Variants in WDR27 observed in about 807,000 individuals in gnomAD.
WDR27 encodes WD repeat-containing protein 27.
WDR27 carries 100 observed loss-of-function variants against 114.4 expected under a neutral mutation model. That is an observed-to-expected ratio of 0.87 (90% CI 0.74 to 1.03). The LOEUF is 1.03. Among genes scored for constraint, WDR27 ranks in the 50% least tolerant of loss-of-function variants. The pLI, the probability that WDR27 is intolerant of heterozygous loss-of-function variation, is 0.00. For missense variants in WDR27, 1,129 were observed against 1,092.9 expected, an observed-to-expected ratio of 1.03 and a Z score of -0.47; for synonymous variants, 449 against 423.1, an observed-to-expected ratio of 1.06 and a Z score of -0.75.
chr6:169,586,734 A>G (rs1238082884), intron 23 of WDR27, among the ~76,000 whole-genome samples: 1 of 150,628 alleles, frequency 6.6e-6, no homozygotes, highest in African/African-American at 2.4e-5. Context: ...CTGTAATCAC[A>G]GCTACTCAGG....
At chr6:169,580,922 C>G (rs1051994308) in intron 24 of WDR27, among the ~76,000 whole-genome samples, 1 of 129,106 alleles carries the variant, frequency 7.7e-6, no homozygotes, top group East Asian at 2.4e-4. Context: ...AAATAAGGAA[C>G]TTAGTGAATT....
At chr6:169,701,217 T>A (rs184171753) in intron 1 of WDR27, among the ~76,000 whole-genome samples, 3 of 152,338 alleles carry the variant, frequency 2.0e-5, no homozygotes, top group African/African-American at 4.8e-5. Context: ...TCCGTTTTTT[T>A]AATGTACATA....
chr6:169,446,589 A>C, the WDR27 span, among the ~76,000 whole-genome samples: 1 of 152,218 alleles, frequency 6.6e-6, no homozygotes, highest in Non-Finnish European at 1.5e-5. Flanking sequence ...ATGTTATGTA[A>C]TCGTGAAAGA....
At chr6:169,616,018 C>A (rs2128189818) in intron 21 of WDR27, among the ~76,000 whole-genome samples, 1 of 147,086 alleles carries the variant, frequency 6.8e-6, no homozygotes, top group Admixed American at 6.8e-5. Context: ...TCTGAGGAGG[C>A]AAGATTATAT....
chr6:169,661,647 A>C (rs917258204), intron 9 of WDR27, among the ~76,000 whole-genome samples: 3 of 152,130 alleles, frequency 2.0e-5, no homozygotes, highest in African/African-American at 7.2e-5. Flanking sequence ...AAAATGCCTC[A>C]GGTCCATGCA....
intron 25 of WDR27, among the ~76,000 whole-genome samples, chr6:169,537,477 T>TA (rs1470937545): frequency 1.3e-5 from 2 of 152,148 alleles, no homozygotes; most frequent in Non-Finnish European, 2.9e-5. Context: ...TCAGGAAGAA[T>TA]AGCACATGCC....
intron 22 of WDR27, among the ~76,000 whole-genome samples, chr6:169,610,402 G>A (rs1029640198): frequency 2.6e-5 from 4 of 152,196 alleles, no homozygotes; most frequent in African/African-American, 9.7e-5. Context: ...CATGGTGGAA[G>A]GCAAGGAGGA....
At chr6:169,507,233 T>G (rs1481459585) in intron 25 of WDR27, among the ~76,000 whole-genome samples, 1 of 152,234 alleles carries the variant, frequency 6.6e-6, no homozygotes, top group Non-Finnish European at 1.5e-5. Flanking sequence ...GCTGCCTTTT[T>G]TCCCCCTTTC....
intron 25 of WDR27, among the ~76,000 whole-genome samples, chr6:169,461,579 A>G (rs1784904185): frequency 6.6e-6 from 1 of 151,848 alleles, no homozygotes. Flanking sequence ...ATAACACACC[A>G]TGCAAAAAAT....
chr6:169,653,112 A>G (rs1823050302), intron 13 of WDR27, among the ~76,000 whole-genome samples: 1 of 152,216 alleles, frequency 6.6e-6, no homozygotes, highest in Non-Finnish European at 1.5e-5. Flanking sequence ...TTGGACACGC[A>G]GGAGGCACTG....
rs1778515400 is a variant in WDR27, at chr6:169,670,772, G to A, written c.332-79C>T. 6 of 1,530,374 alleles carry A rather than the reference G, an allele frequency of 3.9e-6. No homozygotes were observed. In the Admixed American group the frequency reaches 7.1e-5, roughly 18 times the overall value. The allele number at this position is 1,530,374 out of a possible 1,614,324, so 94.8% of individuals were successfully genotyped here. A position where few individuals can be genotyped will look rare whatever the true frequency, so the allele number is the denominator to read the frequency against. On this transcript the variant is annotated intron_variant, in intron 3 of 25. Transcript: ENST00000448612. ...TTAATCTGAGAAAAGTACTGAGAAT[G>A]TAACCCTCTATTCTAAAATTACTGA...
chr6:169,680,269 A>C (rs1781149502), intron 2 of WDR27, among the ~76,000 whole-genome samples: 1 of 152,202 alleles, frequency 6.6e-6, no homozygotes, highest in African/African-American at 2.4e-5. Flanking sequence ...TTTCCTTCTT[A>C]AATTTAAGAG....
chr6:169,689,805 C>A (rs1424647248), intron 1 of WDR27, among the ~76,000 whole-genome samples: 1 of 152,272 alleles, frequency 6.6e-6, no homozygotes. Context: ...AAGTGATGGG[C>A]AAGCACCCAA....
intron 25 of WDR27, among the ~76,000 whole-genome samples, chr6:169,540,283 C>T (rs1373134024): frequency 1.3e-5 from 2 of 152,188 alleles, no homozygotes. Context: ...GATCACGATG[C>T]TTAAAATTAT....
Position 169,643,790 on chromosome 6 carries a change from T to A in WDR27, c.1658-4A>T. ...CAGGCCAGCCACTGCCCATCTCCTG[T>A]TAAAAGAATTTTAAAAAAAGACTTC... On this transcript the variant is annotated splice_polypyrimidine_tract_variant and splice_region_variant and intron_variant, in intron 16 of 25. Transcript: ENST00000448612. The A allele has an allele frequency of 6.2e-7, 1 of 1,608,864 alleles. No individual in the cohort carries two copies. Among genetic ancestry groups the A allele is most frequent in the South Asian group, 1.1e-5 (1 of 90,570 alleles).
intron 1 of WDR27, among the ~76,000 whole-genome samples, chr6:169,700,089 A>T (rs1217142078): frequency 6.6e-6 from 1 of 152,228 alleles, no homozygotes; most frequent in Non-Finnish European, 1.5e-5. Context: ...CAAAACTGCT[A>T]TAGACCAGTG....
At chr6:169,577,631 C>T (rs1802628568) in intron 24 of WDR27, among the ~76,000 whole-genome samples, 2 of 152,200 alleles carry the variant, frequency 1.3e-5, no homozygotes, top group South Asian at 4.1e-4. Flanking sequence ...GCGTGGGGAG[C>T]TTAGCCCGTG....
At chr6:169,490,595 G>C (rs748563506) in intron 25 of WDR27, among the ~76,000 whole-genome samples, 5 of 152,300 alleles carry the variant, frequency 3.3e-5, no homozygotes, top group East Asian at 1.9e-4. Context: ...AGTGAAGCAA[G>C]GTTGCTGGAC....
chr6:169,514,550 T>A (rs1793373913), intron 25 of WDR27, among the ~76,000 whole-genome samples: 2 of 145,376 alleles, frequency 1.4e-5, no homozygotes, highest in South Asian at 4.3e-4. Flanking sequence ...GGGGGAAAAA[T>A]ATATATATAA....
Sources: allele counts gnomAD v4.1 joint callset (sites outside exome capture counted in the v4.1 genomes callset), GRCh38; gene constraint gnomAD v4.1.1; transcripts MANE v1.5; gene names NCBI Gene and HGNC (gene_info 2026-07-23, HGNC 2026-07-21).